The following CD109 variants were observed in gnomAD, a reference collection of about 807,000 sequenced individuals.
The protein encoded by CD109 is CD109 antigen.
CD109 carries 149 observed loss-of-function variants against 165.8 expected under a neutral mutation model. The observed-to-expected ratio is 0.90, with a 90% confidence interval of 0.79 to 1.03. The LOEUF is 1.03. Ranked by LOEUF, CD109 falls within the 50% of genes least tolerant of loss-of-function variation. CD109 has a pLI of 0.00. For missense variants in CD109, 1,712 were observed against 1,677.8 expected (o/e 1.02, Z -0.36); for synonymous variants, 585 against 592.1 (o/e 0.99, Z 0.18).
chr6:73,794,467 G>A (rs1276210011), intron 23 of CD109, among the ~76,000 whole-genome samples: 1 of 152,146 alleles, frequency 6.6e-6, no homozygotes, highest in Non-Finnish European at 1.5e-5. Flanking sequence ...AGAGAAGGAG[G>A]CACCAAAGGT....
rs143125667 is a variant in CD109 at position 73,774,845 on chromosome 6, C to T, written c.1827+3264C>T. 7.0e-4 allele frequency among the ~76,000 whole-genome samples: 106 copies of T among 152,286 alleles called. 1 individual carries two copies. The highest frequency in any genetic ancestry group is 2.5e-3 in the African/African-American group (102 of 41,568). ...CACCACTCTTCCTGGGGTTTTCTCACTGTGCACGTTAAAGTTTTCTGCTTG... is the reference window on the plus strand; with the variant it reads ...CACCACTCTTCCTGGGGTTTTCTCATTGTGCACGTTAAAGTTTTCTGCTTG... On this transcript the variant is annotated intron_variant, in intron 15 of 32. Transcript: ENST00000287097.
intron 5 of CD109, among the ~76,000 whole-genome samples, chr6:73,746,478 T>C (rs566246169): frequency 6.6e-6 from 1 of 152,194 alleles, no homozygotes; most frequent in Non-Finnish European, 1.5e-5. Context: ...GGTGGTCATG[T>C]TACATGTCTT....
intron 30 of CD109, among the ~76,000 whole-genome samples, chr6:73,817,285 G>T (rs569379883): frequency 6.6e-6 from 1 of 152,104 alleles, no homozygotes; most frequent in African/African-American, 2.4e-5. Context: ...AGTATAATCT[G>T]CATTGTGCTT....
intron 2 of CD109, among the ~76,000 whole-genome samples, chr6:73,716,345 G>A (rs529710915): frequency 2.6e-5 from 4 of 152,272 alleles, no homozygotes; most frequent in Non-Finnish European, 5.9e-5. Flanking sequence ...GTTTTATGAG[G>A]AACCTCCAAA....
At chr6:73,741,707 T>G (rs1336846066) in intron 5 of CD109, among the ~76,000 whole-genome samples, 1 of 152,204 alleles carries the variant, frequency 6.6e-6, no homozygotes, top group African/African-American at 2.4e-5. Context: ...AGTCTCACTC[T>G]GTTGACCAGT....
chr6:73,785,488 C>CA lies in CD109; in HGVS notation c.2337+13dup. On this transcript the variant is annotated intron_variant, in intron 20 of 32. Transcript: ENST00000287097. ...AAAGATGCCACTGAGGTAATGTATT[C>CA]AAGCTTTTGTTGATCATTTACACTA... 7.0e-7 allele frequency: 1 copy of CA among 1,432,392 alleles called. No homozygotes were observed. The highest frequency in any genetic ancestry group is 9.7e-7 in the Non-Finnish European group (1 of 1,026,838). 88.7% of individuals were successfully genotyped at this position (1,432,392 alleles called of 1,614,324 possible). A position where few individuals can be genotyped will look rare whatever the true frequency, so the allele number is the denominator to read the frequency against.
intron 22 of CD109, among the ~76,000 whole-genome samples, chr6:73,791,855 T>C (rs1299054455): frequency 6.6e-6 from 1 of 152,196 alleles, no homozygotes; most frequent in Non-Finnish European, 1.5e-5. Flanking sequence ...TTTTTCATAT[T>C]CATTTTTTAG....
intron 29 of CD109, among the ~76,000 whole-genome samples, chr6:73,814,226 A>C (rs890836222): frequency 1.3e-5 from 2 of 152,054 alleles, no homozygotes; most frequent in African/African-American, 4.8e-5. Flanking sequence ...AAAAGAAAAC[A>C]CAACCTTACA....
the CD109 span, among the ~76,000 whole-genome samples, chr6:73,686,217 G>T: frequency 6.6e-6 from 1 of 152,196 alleles, no homozygotes; most frequent in African/African-American, 2.4e-5. Flanking sequence ...CACTGGTGAA[G>T]GTACTCTTGT....
chr6:73,820,493 T>A lies in CD109; in HGVS notation c.4092T>A (p.Pro1364=). ...AAACCCAGTTTTGTGTTAATATTCCTGCTGTGAGAAACTTTAAAGTTTCAA... is the reference window on the plus strand; with the variant it reads ...AAACCCAGTTTTGTGTTAATATTCCAGCTGTGAGAAACTTTAAAGTTTCAA... ...VNETQFCVNI[P]AVRNFKVSNT... The change falls in exon 32 of 33, where the codon CCT becomes CCA. Residue 1364 remains proline, a synonymous_variant. Transcript: ENST00000287097. 1 of 1,612,178 alleles carries A rather than the reference T, an allele frequency of 6.2e-7. No individual in the cohort carries two copies. Among genetic ancestry groups the A allele is most frequent in the East Asian group, 2.2e-5 (1 of 44,820 alleles).
At chr6:73,688,244 T>TA in the CD109 span, among the ~76,000 whole-genome samples, 1 of 152,174 alleles carries the variant, frequency 6.6e-6, no homozygotes, top group Non-Finnish European at 1.5e-5. Context: ...TGTTGTGCAA[T>TA]AAAAAATACA....
At chr6:73,732,255 C>T (rs998993548) in intron 4 of CD109, among the ~76,000 whole-genome samples, 4 of 152,156 alleles carry the variant, frequency 2.6e-5, no homozygotes, top group Non-Finnish European at 5.9e-5. Context: ...TGGTATCTTC[C>T]TATTCTTAGT....
At chr6:73,822,289 G>T (rs1383440028) in intron 32 of CD109, among the ~76,000 whole-genome samples, 1 of 152,164 alleles carries the variant, frequency 6.6e-6, no homozygotes, top group African/African-American at 2.4e-5. Flanking sequence ...CACAATGCAT[G>T]AGAAGCATGA....
At chr6:73,786,000 C>T (rs538452953) in intron 20 of CD109, among the ~76,000 whole-genome samples, 19 of 152,196 alleles carry the variant, frequency 1.2e-4, no homozygotes, top group South Asian at 4.2e-4. Context: ...TGCACCACCA[C>T]GCCCAGCTAA....
rs781030709 is a variant in CD109 at position 73,808,204 on chromosome 6, C to G, written c.3311C>G (p.Ala1104Gly). The stretch of plus-strand genomic sequence containing the variant: ...TTGTCATCAGTGGGGAGTCCTAAAG[C>G]GAAGGAAGCTTTGAATATGCTGACT... ...YALSSVGSPK[A>G]KEALNMLTWR... The change falls in exon 26 of 33, where the codon GCG becomes GGG. Residue 1104 changes from alanine (A) to glycine (G), a missense_variant. Coordinates refer to ENST00000287097, the MANE Select transcript of CD109 (RefSeq NM_133493.5). The G allele has an allele frequency of 2.5e-6, 4 of 1,613,210 alleles. No individual in the cohort carries two copies. Among genetic ancestry groups the G allele is most frequent in the Admixed American group, 3.3e-5 (2 of 59,944 alleles).
At chr6:73,709,175 G>C (rs1179573129) in intron 2 of CD109, among the ~76,000 whole-genome samples, 2 of 152,044 alleles carry the variant, frequency 1.3e-5, no homozygotes, top group Non-Finnish European at 2.9e-5. Flanking sequence ...ATTAATTTTT[G>C]TATAAGGTGT....
At chr6:73,738,319 C>A (rs925004578) in intron 5 of CD109, among the ~76,000 whole-genome samples, 1 of 152,202 alleles carries the variant, frequency 6.6e-6, no homozygotes, top group African/African-American at 2.4e-5. Context: ...AGCTAAATAA[C>A]CATCATGCCC....
intron 20 of CD109, among the ~76,000 whole-genome samples, chr6:73,786,291 T>C (rs1210763482): frequency 1.3e-5 from 2 of 152,184 alleles, no homozygotes; most frequent in Non-Finnish European, 2.9e-5. Flanking sequence ...AAGTGACTGA[T>C]TTTTCTTCCC....
intron 5 of CD109, among the ~76,000 whole-genome samples, chr6:73,747,830 GCCTT>G (rs1470297234): frequency 6.6e-6 from 1 of 151,604 alleles, no homozygotes; most frequent in East Asian, 1.9e-4. Context: ...CCATATTCAG[GCCTT>G]CATCAATTCC....
Sources: gnomAD v4.1 joint callset for allele counts (sites outside exome capture counted in the v4.1 genomes callset) on GRCh38, gnomAD v4.1.1 for gene constraint, MANE v1.5 for transcripts, NCBI Gene and HGNC (gene_info 2026-07-23, HGNC 2026-07-21) for gene names.